Variants in ANK2 observed in about 807,000 individuals in gnomAD.
ANK2 encodes ankyrin-2.
In ANK2, 83 loss-of-function variants were observed where a neutral mutation model predicts 360.5. The observed-to-expected ratio is 0.23, with a 90% CI of 0.19 to 0.28. The LOEUF is 0.28. Ranked by LOEUF, ANK2 falls within the 10% of genes least tolerant of loss-of-function variation. The probability of loss-of-function intolerance (pLI) is 1.00; values close to 1 mark genes in which losing one functional copy is unlikely to be tolerated. For missense variants in ANK2, 4,201 were observed against 4,795.7 expected (o/e 0.88, Z 3.66); for synonymous variants, 1,740 against 1,759.5 (o/e 0.99, Z 0.28).
intron 1 of ANK2, among the ~76,000 whole-genome samples, chr4:113,086,402 AT>A (rs543168593): frequency 1.3e-5 from 2 of 152,224 alleles, no homozygotes; most frequent in African/African-American, 4.8e-5. Flanking sequence ...ATATTCATAG[AT>A]TTTTTTTATA....
chr4:113,135,474 A>G (rs1219321294), intron 1 of ANK2, among the ~76,000 whole-genome samples: 1 of 151,876 alleles, frequency 6.6e-6, no homozygotes, highest in Non-Finnish European at 1.5e-5. Context: ...ACTACATGTA[A>G]TACCGTAGAG....
the ANK2 span, among the ~76,000 whole-genome samples, chr4:112,795,715 G>A: frequency 1.3e-5 from 2 of 151,798 alleles, no homozygotes; most frequent in African/African-American, 4.8e-5. Flanking sequence ...TGTTGGCCAG[G>A]CTGGTCTCAA....
At chr4:112,977,374 A>T (rs1024864947) in intron 2 of ANK2, among the ~76,000 whole-genome samples, 6 of 152,070 alleles carry the variant, frequency 3.9e-5, no homozygotes, top group African/African-American at 1.4e-4. Context: ...GGGAAATTCA[A>T]TTTTAAGAAA....
intron 2 of ANK2, among the ~76,000 whole-genome samples, chr4:112,984,139 A>G (rs1578344733): frequency 6.6e-6 from 1 of 152,238 alleles, no homozygotes; most frequent in African/African-American, 2.4e-5. Flanking sequence ...GCTTAGAATT[A>G]TAAAAATCTA....
chr4:113,333,841 C>A (rs1282644418), intron 29 of ANK2, among the ~76,000 whole-genome samples: 2 of 152,158 alleles, frequency 1.3e-5, no homozygotes, highest in African/African-American at 2.4e-5. Flanking sequence ...TCCATTAGAA[C>A]TTCAATTGCT....
chr4:112,788,889 G>A, the ANK2 span: 11 of 687,624 alleles, frequency 1.6e-5, no homozygotes, highest in East Asian at 8.0e-5. Flanking sequence ...CTTGGGCTGC[G>A]GGAGGAGAGA....
intron 2 of ANK2, among the ~76,000 whole-genome samples, chr4:113,032,863 A>G (rs1165685240): frequency 1.3e-5 from 2 of 152,054 alleles, no homozygotes; most frequent in Non-Finnish European, 2.9e-5. Context: ...TCTGCTATCA[A>G]GCTTTTAGAT....
intron 34 of ANK2, 84 bp downstream of exon 34, chr4:113,343,226 C>A: frequency 6.8e-7 from 1 of 1,463,172 alleles, no homozygotes; most frequent in Non-Finnish European, 9.4e-7. Context: ...AAAATTTTCG[C>A]TTTTCAGTCA....
intron 1 of ANK2, chr4:112,881,904 C>T: frequency 2.8e-6 from 2 of 710,536 alleles, no homozygotes; most frequent in South Asian, 2.9e-5. Flanking sequence ...TTCCACAACT[C>T]TCCCATCCAC....
chr4:112,783,626 A>ATTT, the ANK2 span, among the ~76,000 whole-genome samples: 180 of 123,528 alleles, frequency 1.5e-3, 1 homozygote, highest in East Asian at 0.011. Flanking sequence ...TTATGTTGAT[A>ATTT]TATTATTTAT....
chr4:113,200,549 G>T (rs1019231323), intron 4 of ANK2, among the ~76,000 whole-genome samples: 9 of 152,140 alleles, frequency 5.9e-5, no homozygotes, highest in African/African-American at 1.9e-4. Flanking sequence ...TCATTGTTTA[G>T]CTCTCACTTC....
intron 2 of ANK2, among the ~76,000 whole-genome samples, chr4:113,013,302 C>A (rs924645303): frequency 1.3e-5 from 2 of 152,166 alleles, no homozygotes; most frequent in African/African-American, 4.8e-5. Context: ...TCATTTCCAT[C>A]TGACTCTTCC....
chr4:112,957,947 A>G (rs1343718411), intron 2 of ANK2, among the ~76,000 whole-genome samples: 3 of 136,218 alleles, frequency 2.2e-5, no homozygotes, highest in African/African-American at 8.4e-5. Context: ...CGCTCCTCAC[A>G]TCCCAGACGG....
chr4:113,343,124 A>G lies in ANK2; in HGVS notation c.4230A>G (p.Arg1410=), dbSNP rs2153983651. The part of the protein sequence containing the change: ...IFSFFAFKEN[R]LPLFVKVRDT... ...GTTTTTTTGCCTTCAAAGAAAATAG[A>G]CTTCCTCTATTTGTCAAGGTAATAT... The change falls in exon 34 of 46, where the codon AGA becomes AGG. Residue 1410 remains arginine (R), a synonymous_variant. Transcript: ENST00000357077. 5 of 1,613,660 alleles carry G rather than the reference A, an allele frequency of 3.1e-6. No homozygotes were observed. Among genetic ancestry groups the G allele is most frequent in the East Asian group, 2.2e-5 (1 of 44,832 alleles).
At chr4:113,189,610 T>C (rs1177806597) in intron 2 of ANK2, among the ~76,000 whole-genome samples, 1 of 152,358 alleles carries the variant, frequency 6.6e-6, no homozygotes, top group Non-Finnish European at 1.5e-5. Context: ...AAAATATTTC[T>C]TTACTTGTGC....
intron 2 of ANK2, among the ~76,000 whole-genome samples, chr4:112,920,453 A>G (rs1294813095): frequency 6.6e-6 from 1 of 152,214 alleles, no homozygotes; most frequent in Non-Finnish European, 1.5e-5. Context: ...TTTCCAAAAT[A>G]TTATACATAT....
At chr4:112,977,848 T>C (rs991544629) in intron 2 of ANK2, among the ~76,000 whole-genome samples, 1 of 152,240 alleles carries the variant, frequency 6.6e-6, no homozygotes, top group Non-Finnish European at 1.5e-5. Flanking sequence ...TTTCTGTTCC[T>C]ATGTTAGTTT....
Position 113,356,208 on chromosome 4 carries a change from C to A in ANK2, c.7590C>A (p.Ser2530Arg). ...DSLEQTSLME[S>R]SGKSPLSPDT... Reference sequence around the variant, plus strand: ...TTGAGCAGACATCGCTCATGGAGAGCTCAGGGAAGAGCCCCCTTTCTCCTG... The same window carrying A: ...TTGAGCAGACATCGCTCATGGAGAGATCAGGGAAGAGCCCCCTTTCTCCTG... The change falls in exon 38 of 46, where the codon AGC (serine) becomes AGA (arginine). Residue 2530 changes from serine (S) to arginine (R), a missense_variant. Ser to Arg is a moderately radical substitution (Grantham distance 110). Coordinates refer to ENST00000357077, the MANE Select transcript of ANK2 (RefSeq NM_001148.6). 8 of 1,613,928 alleles carry A rather than the reference C, an allele frequency of 5.0e-6. No homozygotes were observed. Among genetic ancestry groups the A allele is most frequent in the Non-Finnish European group, 6.8e-6 (8 of 1,179,976 alleles).
At chr4:113,165,149 G>T (rs1583551378) in intron 1 of ANK2, among the ~76,000 whole-genome samples, 1 of 152,276 alleles carries the variant, frequency 6.6e-6, no homozygotes, top group African/African-American at 2.4e-5. Context: ...GATGCTGGCA[G>T]AACATTTTTT....
Sources: allele counts gnomAD v4.1 joint callset (sites outside exome capture counted in the v4.1 genomes callset), GRCh38; gene constraint gnomAD v4.1.1; transcripts MANE v1.5; gene names NCBI Gene and HGNC (gene_info 2026-07-23, HGNC 2026-07-21).